PLS1: variants seen among roughly 807,000 people sequenced by gnomAD.
The protein encoded by PLS1 is plastin 1.
Under a neutral mutation model 73.7 loss-of-function variants are expected in PLS1, and 32 were observed. That is an observed-to-expected ratio of 0.43 (90% confidence interval 0.33 to 0.58). The LOEUF is 0.58. Among genes scored for constraint, PLS1 ranks in the 20% least tolerant of loss-of-function variants. The probability of loss-of-function intolerance (pLI) is 0.04; values close to 1 mark genes in which losing one functional copy is unlikely to be tolerated. For synonymous variants in PLS1, 217 were observed against 261.3 expected (o/e 0.83, Z 1.63); for missense variants, 633 against 740.5 (o/e 0.85, Z 1.68).
At chr3:142,608,940 A>T (rs1219511652) in intron 1 of PLS1, among the ~76,000 whole-genome samples, 2 of 152,206 alleles carry the variant, frequency 1.3e-5, no homozygotes, top group African/African-American at 4.8e-5. Context: ...ACATTGCTCA[A>T]TGTATGTCTT....
intron 1 of PLS1, among the ~76,000 whole-genome samples, chr3:142,620,476 A>G (rs946986045): frequency 2.7e-4 from 41 of 152,202 alleles, no homozygotes; most frequent in African/African-American, 9.6e-4. Flanking sequence ...CACAGATGAT[A>G]TGACAATCTT....
intron 10 of PLS1, among the ~76,000 whole-genome samples, chr3:142,690,887 G>A (rs757889406): frequency 5.3e-5 from 8 of 152,050 alleles, no homozygotes; most frequent in Non-Finnish European, 1.0e-4. Flanking sequence ...AGTGGCAGTG[G>A]TAATGGCAGT....
intron 1 of PLS1, among the ~76,000 whole-genome samples, chr3:142,599,721 C>T (rs1015760671): frequency 6.6e-6 from 1 of 151,886 alleles, no homozygotes; most frequent in African/African-American, 2.4e-5. Flanking sequence ...TTAACTATTA[C>T]TTTTTGAGGT....
rs767102532 is a variant in PLS1 at position 142,703,981 on chromosome 3, G to A, written c.1485G>A (p.Leu495=). Residue 495 remains leucine (L), a synonymous_variant, in exon 13 of 16, where the codon TTG becomes TTA. Transcript: ENST00000457734. ...NEGNSTLTLA[L]VWQLMRRYTL... is the part of the protein sequence containing the mutation. ...GGAATTCAACACTTACCCTGGCATT[G>A]GTATGGCAGCTGATGAGAAGGTAAA... 1 of 1,613,862 alleles carries A rather than the reference G, an allele frequency of 6.2e-7. No individual in the cohort carries two copies. The highest frequency in any genetic ancestry group is 8.5e-7 in the Non-Finnish European group (1 of 1,179,814).
intron 4 of PLS1, among the ~76,000 whole-genome samples, chr3:142,675,112 G>C (rs2037692624): frequency 6.6e-6 from 1 of 152,138 alleles, no homozygotes; most frequent in Non-Finnish European, 1.5e-5. Flanking sequence ...ACTGAATTCA[G>C]TATTTCTGTT....
chr3:142,614,634 T>C (rs1446836379), intron 1 of PLS1, among the ~76,000 whole-genome samples: 1 of 152,166 alleles, frequency 6.6e-6, no homozygotes. Flanking sequence ...AGGACATGTG[T>C]CCAGGCAGTG....
At chr3:142,636,055 A>ATTT (rs34619105) in intron 1 of PLS1, among the ~76,000 whole-genome samples, 2 of 147,930 alleles carry the variant, frequency 1.4e-5, no homozygotes, top group African/African-American at 5.0e-5. Flanking sequence ...ACACCTGCTA[A>ATTT]TTTTTTTTTT....
rs528671742 is a variant in PLS1 at position 142,641,249 on chromosome 3, ATCTC to A, written c.-36-22949_-36-22946del. ...ATATATAATATCTATATATCTATAT[ATCTC>A]TCTATATATTATATGTATTATCTAT... On this transcript the variant is annotated intron_variant, in intron 1 of 15. Coordinates refer to ENST00000457734, the MANE Select transcript of PLS1 (RefSeq NM_001145319.2). Among the ~76,000 whole-genome samples the A allele has an allele frequency of 5.4e-3, 791 of 145,556 alleles. 4 individuals carry two copies. Among genetic ancestry groups the A allele is most frequent in the African/African-American group, 0.018 (713 of 39,908 alleles).
intron 1 of PLS1, among the ~76,000 whole-genome samples, chr3:142,625,628 T>C (rs2036407621): frequency 6.6e-6 from 1 of 152,212 alleles, no homozygotes; most frequent in African/African-American, 2.4e-5. Context: ...ACTAAATGTA[T>C]ATGTTATACA....
Position 142,676,300 on chromosome 3 carries a change from C to A in PLS1, c.497+11C>A. On this transcript the variant is annotated intron_variant, in intron 5 of 15. Coordinates refer to ENST00000457734, the MANE Select transcript of PLS1 (RefSeq NM_001145319.2). ...TGGCATCCTTCTTTGGTGAGTTGAA[C>A]TTCTGGTTAAGGAAGCTGCGTTCTT... is the stretch of plus-strand genomic sequence containing the variant. 6.2e-7 allele frequency: 1 copy of A among 1,609,896 alleles called. No individual in the cohort carries two copies. The highest frequency in any genetic ancestry group is 8.5e-7 in the Non-Finnish European group (1 of 1,178,554).
chr3:142,628,624 G>T (rs188314451), intron 1 of PLS1, among the ~76,000 whole-genome samples: 2 of 152,156 alleles, frequency 1.3e-5, no homozygotes, highest in African/African-American at 4.8e-5. Flanking sequence ...CTTGATAATG[G>T]CACCTGTTAC....
At chr3:142,608,378 A>G (rs1344517511) in intron 1 of PLS1, among the ~76,000 whole-genome samples, 4 of 152,372 alleles carry the variant, frequency 2.6e-5, no homozygotes, top group Non-Finnish European at 5.9e-5. Context: ...GTAATAAAAC[A>G]TAAAGTTAAT....
chr3:142,695,870 C>T (rs986602494), intron 11 of PLS1, among the ~76,000 whole-genome samples: 3 of 151,848 alleles, frequency 2.0e-5, no homozygotes, highest in Non-Finnish European at 4.4e-5. Context: ...TCTCGGCTCA[C>T]CGCAACCTCT....
chr3:142,631,664 G>GAAAAAAA (rs71153981), intron 1 of PLS1, among the ~76,000 whole-genome samples: 1 of 39,452 alleles, frequency 2.5e-5, no homozygotes, highest in African/African-American at 1.0e-4. Context: ...CCTGTCTCTA[G>GAAAAAAA]AAAAAAAAAA....
chr3:142,603,559 G>A (rs1293836612), intron 1 of PLS1, among the ~76,000 whole-genome samples: 1 of 151,940 alleles, frequency 6.6e-6, no homozygotes, highest in Non-Finnish European at 1.5e-5. Context: ...CAGGTGGATC[G>A]CTTGAGCTCA....
At chr3:142,658,192 G>T (rs2107810929) in intron 1 of PLS1, among the ~76,000 whole-genome samples, 1 of 152,232 alleles carries the variant, frequency 6.6e-6, no homozygotes, top group Non-Finnish European at 1.5e-5. Context: ...TATGTAACAG[G>T]CTGAGGACAT....
chr3:142,693,076 A>G (rs1042043035), intron 10 of PLS1, among the ~76,000 whole-genome samples: 1 of 152,282 alleles, frequency 6.6e-6, no homozygotes, highest in East Asian at 1.9e-4. Flanking sequence ...TTTATTATAA[A>G]GTGGTGGTAG....
intron 1 of PLS1, among the ~76,000 whole-genome samples, chr3:142,616,800 C>T (rs1407215866): frequency 6.6e-6 from 1 of 152,110 alleles, no homozygotes; most frequent in Non-Finnish European, 1.5e-5. Context: ...TGGGGTTTCA[C>T]CATGTTGGCC....
intron 1 of PLS1, among the ~76,000 whole-genome samples, chr3:142,655,644 C>T (rs970136226): frequency 1.3e-5 from 2 of 150,994 alleles, no homozygotes; most frequent in African/African-American, 4.9e-5. Context: ...ATCGCTTGAA[C>T]CTGGGAGGTG....
Sources: allele counts gnomAD v4.1 joint callset (sites outside exome capture counted in the v4.1 genomes callset), GRCh38; gene constraint gnomAD v4.1.1; transcripts MANE v1.5; gene names NCBI Gene and HGNC (gene_info 2026-07-23, HGNC 2026-07-21).